FAAH2: variants seen among roughly 807,000 people sequenced by gnomAD.
The protein encoded by FAAH2 is fatty-acid amide hydrolase 2.
Under a neutral mutation model 36.9 loss-of-function variants are expected in FAAH2, and 60 were observed. The ratio of observed to expected loss-of-function variants is 1.63; its 90% CI spans 1.32 to 2.02. The LOEUF is 2.02. Among genes scored for constraint, FAAH2 ranks in the 30% most tolerant of loss-of-function variants. The probability of loss-of-function intolerance (pLI) is 0.00; values close to 1 mark genes in which losing one functional copy is unlikely to be tolerated. For missense variants in FAAH2, 689 were observed against 397.5 expected, an observed-to-expected ratio of 1.73 and a Z score of -6.23; for synonymous variants, 214 against 143.8, an observed-to-expected ratio of 1.49 and a Z score of -3.49.
At chrX:57,257,363 G>T in the FAAH2 span, among the ~76,000 whole-genome samples, 160 of 111,759 alleles carry the variant, frequency 1.4e-3, no homozygotes, top group Admixed American at 3.8e-3. Context: ...TATGCAGCCA[G>T]AACAAAAGGA....
At chrX:57,242,269 C>T in the FAAH2 span, among the ~76,000 whole-genome samples, 1 of 112,545 alleles carries the variant, frequency 8.9e-6, no homozygotes, top group African/African-American at 3.2e-5. Flanking sequence ...GAGCAGGCAG[C>T]AGTCTTTGCT....
intron 2 of FAAH2, among the ~76,000 whole-genome samples, chrX:57,309,118 T>C (rs1258227335): frequency 1.1e-4 from 12 of 112,124 alleles, no homozygotes; most frequent in Non-Finnish European, 2.1e-4. Flanking sequence ...GAATTAATAT[T>C]TGTGATACTG....
At chrX:57,137,079 C>A in the FAAH2 span, 71 of 790,920 alleles carry the variant, frequency 9.0e-5, no homozygotes, top group Non-Finnish European at 1.0e-4. Context: ...CTATTCCTAC[C>A]CCCTTTCCCT....
chrX:57,242,448 C>A, the FAAH2 span, among the ~76,000 whole-genome samples: 2 of 112,147 alleles, frequency 1.8e-5, no homozygotes, highest in Admixed American at 1.9e-4. Flanking sequence ...TTTAAAAAAA[C>A]CCATCCAGGC....
intron 5 of FAAH2, among the ~76,000 whole-genome samples, chrX:57,349,965 G>A (rs758762328): frequency 2.7e-5 from 3 of 110,531 alleles, no homozygotes; most frequent in Non-Finnish European, 5.7e-5. Context: ...TAATATAACT[G>A]TCTAAAGTCA....
the FAAH2 span, among the ~76,000 whole-genome samples, chrX:57,128,402 G>C: frequency 1.8e-5 from 2 of 111,285 alleles, no homozygotes; most frequent in African/African-American, 6.5e-5. Flanking sequence ...ATAGCAATGA[G>C]GACACAACAT....
intron 8 of FAAH2, among the ~76,000 whole-genome samples, chrX:57,444,720 A>C (rs1424057313): frequency 9.0e-6 from 1 of 111,717 alleles, no homozygotes; most frequent in Admixed American, 9.5e-5. Context: ...GCCATCTTGT[A>C]ACCTCGAGCC....
At chrX:57,140,417 C>CAAA in the FAAH2 span, among the ~76,000 whole-genome samples, 743 of 64,776 alleles carry the variant, frequency 0.011, 26 homozygotes, top group African/African-American at 0.045. Flanking sequence ...CCATCTCTAC[C>CAAA]AAAAAAAAAA....
chrX:57,254,468 T>C, the FAAH2 span, among the ~76,000 whole-genome samples: 1 of 112,069 alleles, frequency 8.9e-6, no homozygotes, highest in Non-Finnish European at 1.9e-5. Flanking sequence ...CAGCAGAATA[T>C]ACATTCTTCT....
At position 57,336,718 on chromosome X, in the gene FAAH2, A is replaced by T. The variant is rs1278762517; in HGVS notation, c.623-4553A>T. Among the ~76,000 whole-genome samples, 3 of 111,931 alleles carry T rather than the reference A, an allele frequency of 2.7e-5. No individual in the cohort carries two copies. In the East Asian group the frequency reaches 8.5e-4, roughly 32 times the overall value. ...ACTAATGAGAACAAAGACACAATAT[A>T]TCAGAATCTCTGGGCCACAGCTAAA... On this transcript the variant is annotated intron_variant, in intron 4 of 10. Coordinates refer to ENST00000374900, the MANE Select transcript of FAAH2 (RefSeq NM_174912.4).
At chrX:57,257,687 A>G in the FAAH2 span, among the ~76,000 whole-genome samples, 21 of 111,643 alleles carry the variant, frequency 1.9e-4, no homozygotes, top group Non-Finnish European at 5.6e-5. Flanking sequence ...AACTTAAAGT[A>G]TAATTAAAAA....
At chrX:57,385,089 T>C (rs1292818878) in intron 7 of FAAH2, among the ~76,000 whole-genome samples, 1 of 109,617 alleles carries the variant, frequency 9.1e-6, no homozygotes, top group Non-Finnish European at 1.9e-5. Context: ...ATGAGAATAC[T>C]TGGACACAGG....
At chrX:57,267,121 A>G in the FAAH2 span, among the ~76,000 whole-genome samples, 8 of 112,629 alleles carry the variant, frequency 7.1e-5, no homozygotes, top group East Asian at 2.3e-3. Flanking sequence ...AGCTCCAGCA[A>G]GGTGGCCCCT....
chrX:57,171,603 A>T, the FAAH2 span, among the ~76,000 whole-genome samples: 1 of 110,334 alleles, frequency 9.1e-6, no homozygotes, highest in African/African-American at 3.3e-5. Flanking sequence ...TTTTTAATAG[A>T]ATTACTTGGT....
At chrX:57,473,226 T>C (rs1159022917) in intron 10 of FAAH2, among the ~76,000 whole-genome samples, 1 of 111,699 alleles carries the variant, frequency 9.0e-6, no homozygotes, top group East Asian at 2.8e-4. Flanking sequence ...TGTTATATTG[T>C]GTCTGTTTTT....
intron 7 of FAAH2, among the ~76,000 whole-genome samples, chrX:57,396,686 G>C (rs889517807): frequency 9.0e-6 from 1 of 111,589 alleles, no homozygotes; most frequent in Non-Finnish European, 1.9e-5. Context: ...TCCCACTGTG[G>C]TCCAATTAGA....
At chrX:57,306,796 A>G (rs2052540708) in intron 2 of FAAH2, among the ~76,000 whole-genome samples, 1 of 94,963 alleles carries the variant, frequency 1.1e-5, no homozygotes, top group South Asian at 5.1e-4. Flanking sequence ...TACTATATAT[A>G]CACTTTATAT....
intron 10 of FAAH2, among the ~76,000 whole-genome samples, chrX:57,467,948 G>A (rs766485475): frequency 1.8e-5 from 2 of 111,917 alleles, no homozygotes; most frequent in East Asian, 2.8e-4. Flanking sequence ...AGCAATATTC[G>A]TTGTTCCACA....
Position 57,295,086 on chromosome X carries a change from G to C in FAAH2, c.275+2506G>C, listed in dbSNP as rs752090712. Among the ~76,000 whole-genome samples the C allele has an allele frequency of 2.7e-5, 3 of 111,902 alleles. No homozygotes were observed. The East Asian group carries it at 8.5e-4, about 32-fold the overall frequency. ...GAAATGCCTGCAGAGCTGGGACCAA[G>C]ACATCTGTGAAGAGGGTGTTGCCTG... On this transcript the variant is annotated intron_variant, in intron 2 of 10. Transcript: ENST00000374900.
Sources: allele counts gnomAD v4.1 joint callset (sites outside exome capture counted in the v4.1 genomes callset), GRCh38; gene constraint gnomAD v4.1.1; transcripts MANE v1.5; gene names NCBI Gene and HGNC (gene_info 2026-07-23, HGNC 2026-07-21).